Variants in ITPR1 observed in about 807,000 individuals in gnomAD.
The protein encoded by ITPR1 is inositol 1,4,5-trisphosphate receptor type 1.
In ITPR1, 96 loss-of-function variants were observed where a neutral mutation model predicts 318.4. The ratio of observed to expected loss-of-function variants is 0.30; its 90% confidence interval spans 0.26 to 0.36. The LOEUF is 0.36. ITPR1 is among the 10% of genes least tolerant of loss of function. The pLI, the probability that ITPR1 is intolerant of heterozygous loss-of-function variation, is 1.00. For missense variants in ITPR1, 2,440 were observed against 3,460.2 expected (o/e 0.71, Z 7.40); for synonymous variants, 1,312 against 1,289.9 (o/e 1.02, Z -0.37).
rs142307196 is a variant in ITPR1, at chr3:4,830,622, G to A, written c.8029-6152G>A. Among the ~76,000 whole-genome samples, 266 of 152,208 alleles carry A rather than the reference G, an allele frequency of 1.7e-3. 1 individual carries two copies. The highest frequency in any genetic ancestry group is 6.2e-3 in the African/African-American group (257 of 41,502). On this transcript the variant is annotated intron_variant, in intron 60 of 61. Transcript: ENST00000649015. The stretch of plus-strand genomic sequence containing the variant: ...AAATCTCTGTTTCCAGGCCTACCCC[G>A]TACCCCCTTCTAGTCGTTTCCATCA...
chr3:4,580,946 C>T (rs1575598330), intron 4 of ITPR1, among the ~76,000 whole-genome samples: 1 of 152,260 alleles, frequency 6.6e-6, no homozygotes. Context: ...AAATACCAAT[C>T]ACGTTAGGTG....
At chr3:4,709,098 C>G (rs1474468804) in intron 37 of ITPR1, among the ~76,000 whole-genome samples, 1 of 152,178 alleles carries the variant, frequency 6.6e-6, no homozygotes, top group African/African-American at 2.4e-5. Flanking sequence ...GAGTCAGGAT[C>G]AATAACTATT....
chr3:4,821,952 C>G (rs2049749914), intron 60 of ITPR1, among the ~76,000 whole-genome samples: 1 of 152,228 alleles, frequency 6.6e-6, no homozygotes, highest in Admixed American at 6.5e-5. Flanking sequence ...TCTCCTTTCA[C>G]TGGAGATGGG....
intron 60 of ITPR1, among the ~76,000 whole-genome samples, chr3:4,820,264 A>T (rs887002313): frequency 2.6e-5 from 4 of 152,192 alleles, no homozygotes; most frequent in African/African-American, 9.7e-5. Flanking sequence ...CGATGTCTTA[A>T]TGTCTAGAGG....
At chr3:4,638,142 C>T (rs1419592518) in intron 5 of ITPR1, among the ~76,000 whole-genome samples, 2 of 152,080 alleles carry the variant, frequency 1.3e-5, no homozygotes, top group South Asian at 2.1e-4. Flanking sequence ...AATGAAGACA[C>T]ATTACCTGGG....
At position 4,625,399 on chromosome 3, in the gene ITPR1, A is replaced by G. The variant is rs150829685; in HGVS notation, c.164-2364A>G. ...GAGATATTTATTTGACTAGGACAAT[A>G]GCTAGGTATTTACCTGTTCAAGGCA... On this transcript the variant is annotated intron_variant, in intron 4 of 61. Transcript: ENST00000649015. Among the ~76,000 whole-genome samples, 378 of 152,272 alleles carry G rather than the reference A, an allele frequency of 2.5e-3. 4 individuals carry two copies. Among genetic ancestry groups the G allele is most frequent in the African/African-American group, 8.7e-3 (361 of 41,546 alleles).
chr3:4,813,819 C>G (rs970695557), intron 57 of ITPR1, among the ~76,000 whole-genome samples: 1 of 152,216 alleles, frequency 6.6e-6, no homozygotes, highest in Admixed American at 6.5e-5. Flanking sequence ...GGAGGTTAAA[C>G]TTCGTCCAGA....
intron 51 of ITPR1, among the ~76,000 whole-genome samples, chr3:4,786,941 T>C (rs2047233072): frequency 6.6e-6 from 1 of 152,198 alleles, no homozygotes; most frequent in South Asian, 2.1e-4. Flanking sequence ...AATGTTACTA[T>C]CTGAGAAAGT....
At chr3:4,583,342 CT>C (rs796888775) in intron 4 of ITPR1, among the ~76,000 whole-genome samples, 8 of 150,408 alleles carry the variant, frequency 5.3e-5, no homozygotes, top group African/African-American at 1.2e-4. Context: ...TTTTCACTAA[CT>C]TTTTTTTTTC....
intron 4 of ITPR1, among the ~76,000 whole-genome samples, chr3:4,596,369 T>C (rs1340016476): frequency 1.3e-5 from 2 of 152,238 alleles, no homozygotes; most frequent in African/African-American, 4.8e-5. Flanking sequence ...ATGTCTACTC[T>C]GTATTTATCA....
At chr3:4,635,951 C>T (rs1181605958) in intron 5 of ITPR1, among the ~76,000 whole-genome samples, 1 of 151,866 alleles carries the variant, frequency 6.6e-6, no homozygotes, top group African/African-American at 2.4e-5. Flanking sequence ...ACCTCTGCCT[C>T]CTGGGTTCAA....
chr3:4,525,658 CA>C (rs2082921661), intron 4 of ITPR1, among the ~76,000 whole-genome samples: 1 of 152,122 alleles, frequency 6.6e-6, no homozygotes, highest in South Asian at 2.1e-4. Flanking sequence ...AATATGGTAC[CA>C]TTTTAAAGCC....
chr3:4,690,188 T>A (rs182169338), intron 31 of ITPR1, among the ~76,000 whole-genome samples: 68 of 152,280 alleles, frequency 4.5e-4, no homozygotes, highest in Non-Finnish European at 7.5e-4. Flanking sequence ...GGCAGGAGAA[T>A]AGCTTGAACT....
At chr3:4,499,014 T>C (rs1335279592) in intron 2 of ITPR1, among the ~76,000 whole-genome samples, 1 of 152,204 alleles carries the variant, frequency 6.6e-6, no homozygotes, top group Admixed American at 6.5e-5. Context: ...GATATACATA[T>C]TCATGTAGCA....
chr3:4,800,739 C>T lies in ITPR1; in HGVS notation c.7107+139C>T, dbSNP rs2048174048. ...GGGCAACTGTTTAAATAGCCAGAAG[C>T]AGGGGATGGCTGCAGGTGGACGTCT... On this transcript the variant is annotated intron_variant, in intron 54 of 61. Transcript: ENST00000649015. 87 of 859,970 alleles carry T rather than the reference C, an allele frequency of 1.0e-4. No individual in the cohort carries two copies. The South Asian group carries it at 1.4e-3, about 14-fold the overall frequency. 53.3% of individuals were successfully genotyped at this position (859,970 alleles called of 1,614,324 possible).
At chr3:4,841,936 G>T (rs934238946) in intron 61 of ITPR1, among the ~76,000 whole-genome samples, 1 of 152,118 alleles carries the variant, frequency 6.6e-6, no homozygotes, top group Non-Finnish European at 1.5e-5. Context: ...GATTTTATAG[G>T]GCTGTAGAAA....
chr3:4,663,458 C>T (rs2093881643), intron 16 of ITPR1, among the ~76,000 whole-genome samples: 1 of 152,166 alleles, frequency 6.6e-6, no homozygotes, highest in Admixed American at 6.5e-5. Flanking sequence ...GTGATTCCCA[C>T]CTCAAAGGCT....
At chr3:4,746,386 G>A (rs891429373) in intron 44 of ITPR1, among the ~76,000 whole-genome samples, 1 of 152,144 alleles carries the variant, frequency 6.6e-6, no homozygotes, top group Non-Finnish European at 1.5e-5. Context: ...TACGCTTATT[G>A]TCCTGCAGCT....
intron 4 of ITPR1, among the ~76,000 whole-genome samples, chr3:4,540,679 C>T (rs1264880613): frequency 1.3e-5 from 2 of 152,232 alleles, no homozygotes; most frequent in East Asian, 3.9e-4. Flanking sequence ...TCTCTGCCTC[C>T]TGGGTTCAAG....
Sources: gnomAD v4.1 joint callset for allele counts (sites outside exome capture counted in the v4.1 genomes callset) on GRCh38, gnomAD v4.1.1 for gene constraint, MANE v1.5 for transcripts, NCBI Gene and HGNC (gene_info 2026-07-23, HGNC 2026-07-21) for gene names.